CCDC3: variants seen among roughly 807,000 people sequenced by gnomAD.
CCDC3 encodes coiled-coil domain-containing protein 3.
A neutral mutation model predicts 21.4 loss-of-function variants in CCDC3; 24 were observed. The observed-to-expected ratio is 1.12, with a 90% CI of 0.81 to 1.58. The LOEUF (loss-of-function observed/expected upper bound fraction) is 1.58. Among genes scored for constraint, CCDC3 ranks in the 40% most tolerant of loss-of-function variants. CCDC3 has a pLI of 0.00. For missense variants in CCDC3, 425 were observed against 360.9 expected (o/e 1.18, Z -1.44); for synonymous variants, 186 against 166.0 (o/e 1.12, Z -0.93).
intron 2 of CCDC3, among the ~76,000 whole-genome samples, chr10:12,913,362 T>A (rs1199951140): frequency 6.6e-6 from 1 of 152,258 alleles, no homozygotes; most frequent in East Asian, 1.9e-4. Context: ...AGGATTGTTT[T>A]ATTGATTTCT....
chr10:12,907,870 T>C (rs531048273), intron 2 of CCDC3, among the ~76,000 whole-genome samples: 1 of 152,144 alleles, frequency 6.6e-6, no homozygotes, highest in East Asian at 1.9e-4. Context: ...AGAGGGGAGA[T>C]GCTAGATGAT....
chr10:12,948,733 T>TTG lies in CCDC3; in HGVS notation c.549+49604_549+49605insCA, dbSNP rs546905374. Among the ~76,000 whole-genome samples, 550 of 126,450 alleles carry TTG rather than the reference T, an allele frequency of 4.3e-3. 6 individuals carry two copies. Among genetic ancestry groups the TTG allele is most frequent in the African/African-American group, 0.015 (469 of 31,652 alleles). The allele number at this position is 126,450 out of a possible 152,430, so 83.0% of individuals were successfully genotyped here. A position where few individuals can be genotyped will look rare whatever the true frequency, so the allele number is the denominator to read the frequency against. ...AAGTCCTCATTTTTAAGGCAGTTTT[T>TTG]TTTTTTTTTTTTTTTTTGAGACAGA... On this transcript the variant is annotated intron_variant, in intron 2 of 2. Coordinates refer to ENST00000378825, the MANE Select transcript of CCDC3 (RefSeq NM_031455.4).
At chr10:13,093,767 G>GA (rs894946975) in intron 3 of CCDC3, among the ~76,000 whole-genome samples, 10 of 151,078 alleles carry the variant, frequency 6.6e-5, no homozygotes, top group Admixed American at 4.6e-4. Context: ...CCTTAGTTTG[G>GA]AAAAAAAATA....
At chr10:13,033,660 C>G (rs11258145) in intron 5 of CCDC3, among the ~76,000 whole-genome samples, 40,729 of 152,092 alleles carry the variant, frequency 0.27, 6,462 homozygotes, top group Non-Finnish European at 0.36. Flanking sequence ...AAGCAAACAA[C>G]CCCATCAAAA....
chr10:13,060,387 G>A (rs953470681), intron 4 of CCDC3, among the ~76,000 whole-genome samples: 2 of 152,160 alleles, frequency 1.3e-5, no homozygotes, highest in East Asian at 3.9e-4. Context: ...CCAGCATTTG[G>A]GATGTGGGCT....
Position 12,990,023 on chromosome 10 carries a change from C to A in CCDC3, c.549+8315G>T, listed in dbSNP as rs575431769. On this transcript the variant is annotated intron_variant, in intron 2 of 2. Coordinates refer to ENST00000378825, the MANE Select transcript of CCDC3 (RefSeq NM_031455.4). ...ATACCAGCACTTTGGGAGGCCGAGG[C>A]GGGCAGATCATGAGGTCAGGAGATC... Among the ~76,000 whole-genome samples the A allele has an allele frequency of 2.0e-5, 3 of 151,974 alleles. No individual in the cohort carries two copies. In the East Asian group the frequency reaches 5.8e-4, roughly 30 times the overall value.
intron 3 of CCDC3, among the ~76,000 whole-genome samples, chr10:13,074,861 C>A (rs573643304): frequency 4.9e-4 from 74 of 152,268 alleles, no homozygotes; most frequent in African/African-American, 1.7e-3. Context: ...TTATTTTGAT[C>A]CACATATCAC....
chr10:13,025,953 G>A (rs934071801), intron 5 of CCDC3, among the ~76,000 whole-genome samples: 4 of 152,102 alleles, frequency 2.6e-5, no homozygotes, highest in African/African-American at 9.7e-5. Flanking sequence ...GCCTGAGGTC[G>A]GAGGATCACT....
intron 2 of CCDC3, among the ~76,000 whole-genome samples, chr10:12,912,662 G>T (rs56029744): frequency 0.12 from 18,745 of 151,812 alleles, 1,373 homozygotes; most frequent in East Asian, 0.26. Flanking sequence ...TTATGCTTTT[G>T]TGGCCATACC....
chr10:12,904,089 A>G (rs11258057), intron 2 of CCDC3, among the ~76,000 whole-genome samples: 72,110 of 151,742 alleles, frequency 0.48, 17,550 homozygotes, highest in South Asian at 0.59. Flanking sequence ...CGGTCTGTAC[A>G]CTTCCCGTGA....
At chr10:12,935,823 G>T (rs574752651) in intron 2 of CCDC3, among the ~76,000 whole-genome samples, 140 of 152,198 alleles carry the variant, frequency 9.2e-4, no homozygotes, top group Middle Eastern at 3.4e-3. Context: ...GAGCCAGTGC[G>T]CCCGGCCAAC....
intron 2 of CCDC3, among the ~76,000 whole-genome samples, chr10:12,954,105 A>G (rs1835048582): frequency 6.6e-6 from 1 of 152,370 alleles, no homozygotes; most frequent in South Asian, 2.1e-4. Flanking sequence ...CTCAGAGGCC[A>G]CACAAAAACA....
intron 5 of CCDC3, among the ~76,000 whole-genome samples, chr10:13,022,306 A>C (rs1300773986): frequency 2.0e-5 from 3 of 152,122 alleles, no homozygotes; most frequent in African/African-American, 7.2e-5. Flanking sequence ...TCAGGACCCG[A>C]TCTGAGAATC....
intron 2 of CCDC3, among the ~76,000 whole-genome samples, chr10:12,922,013 A>T (rs1349007515): frequency 6.6e-6 from 1 of 152,200 alleles, no homozygotes; most frequent in African/African-American, 2.4e-5. Flanking sequence ...TACAGTCATG[A>T]GCCATTGTGC....
At chr10:13,096,941 T>C (rs1832634423) in intron 3 of CCDC3, among the ~76,000 whole-genome samples, 1 of 152,164 alleles carries the variant, frequency 6.6e-6, no homozygotes, top group Non-Finnish European at 1.5e-5. Context: ...GGGTAGATCA[T>C]GGATGTATTG....
At chr10:13,097,632 G>C (rs571611948) in intron 3 of CCDC3, among the ~76,000 whole-genome samples, 1 of 152,314 alleles carries the variant, frequency 6.6e-6, no homozygotes, top group South Asian at 2.1e-4. Flanking sequence ...GCTGAGGCAG[G>C]AGAATCACTC....
intron 2 of CCDC3, among the ~76,000 whole-genome samples, chr10:12,968,568 G>A (rs181324852): frequency 6.6e-6 from 1 of 152,308 alleles, no homozygotes; most frequent in Admixed American, 6.5e-5. Flanking sequence ...GTAAAAGTAA[G>A]TAGTCAAATT....
intron 2 of CCDC3, among the ~76,000 whole-genome samples, chr10:12,955,027 A>C (rs1459635031): frequency 6.6e-6 from 1 of 151,962 alleles, no homozygotes; most frequent in Non-Finnish European, 1.5e-5. Context: ...TTCACAGCCT[A>C]GCACTTCACA....
chr10:12,933,157 G>A (rs1231265901), intron 2 of CCDC3, among the ~76,000 whole-genome samples: 1 of 152,134 alleles, frequency 6.6e-6, no homozygotes, highest in Non-Finnish European at 1.5e-5. Context: ...GTAGGGGAGT[G>A]CTGGCTTGTA....
Sources: gnomAD v4.1 joint callset for allele counts (sites outside exome capture counted in the v4.1 genomes callset) on GRCh38, gnomAD v4.1.1 for gene constraint, MANE v1.5 for transcripts, NCBI Gene and HGNC (gene_info 2026-07-23, HGNC 2026-07-21) for gene names.